Variants in TBC1D8B observed in about 807,000 individuals in gnomAD.
TBC1D8B encodes the protein RP11-321G1.1.
TBC1D8B carries 75 observed loss-of-function variants against 82.9 expected under a neutral mutation model. That is an observed-to-expected ratio of 0.90 (90% CI 0.75 to 1.10). The LOEUF (loss-of-function observed/expected upper bound fraction) is 1.10. Ranked by LOEUF, TBC1D8B falls within the 50% of genes least tolerant of loss-of-function variation. The pLI, the probability that TBC1D8B is intolerant of heterozygous loss-of-function variation, is 0.00. For missense variants in TBC1D8B, 794 were observed against 796.9 expected (o/e 1.00, Z 0.04); for synonymous variants, 276 against 276.8 (o/e 1.00, Z 0.03).
In TBC1D8B at chrX:106,802,794, G is replaced by T; in HGVS notation, c.-60G>T. 1 of 1,198,992 alleles carries T rather than the reference G, an allele frequency of 8.3e-7. No homozygotes were observed. ...AGGAGAAGCAGAGGGGAAGAGACGGGTTGAGAGTGAGGTGAGGAGGGCATC... is the reference window on the plus strand; with the variant it reads ...AGGAGAAGCAGAGGGGAAGAGACGGTTTGAGAGTGAGGTGAGGAGGGCATC... On this transcript the variant is annotated 5_prime_UTR_variant, in exon 1 of 21. Coordinates refer to ENST00000357242, the MANE Select transcript of TBC1D8B (RefSeq NM_017752.3).
At chrX:106,827,039 A>G in intron 6 of TBC1D8B, 131 bp from the exon 7 acceptor site, 1 of 657,130 alleles carries the variant, frequency 1.5e-6, no homozygotes, top group East Asian at 3.3e-5. Context: ...TAGTACCCAA[A>G]GTCTATTTCT....
intron 14 of TBC1D8B, among the ~76,000 whole-genome samples, chrX:106,862,417 C>A (rs1250247353): frequency 9.0e-6 from 1 of 111,689 alleles, no homozygotes; most frequent in African/African-American, 3.3e-5. Context: ...TTATGAAATT[C>A]TTGTAGTAAG....
At chrX:106,863,232 C>T (rs1932791612) in intron 14 of TBC1D8B, among the ~76,000 whole-genome samples, 1 of 111,557 alleles carries the variant, frequency 9.0e-6, no homozygotes, top group Middle Eastern at 4.2e-3. Flanking sequence ...GGCTGCGATC[C>T]AGTAGGTGGC....
intron 10 of TBC1D8B, among the ~76,000 whole-genome samples, chrX:106,842,480 G>A (rs1049657464): frequency 9.0e-6 from 1 of 110,970 alleles, no homozygotes; most frequent in African/African-American, 3.3e-5. Flanking sequence ...AAGTAAATTT[G>A]TATGGCACAA....
rs1931064929 is a variant in TBC1D8B at position 106,802,788 on chromosome X, A to G, written c.-66A>G. 4.2e-6 allele frequency: 5 copies of G among 1,185,172 alleles called. No individual in the cohort carries two copies. Among genetic ancestry groups the G allele is most frequent in the Non-Finnish European group, 5.7e-6 (5 of 879,284 alleles). On this transcript the variant is annotated 5_prime_UTR_variant, in exon 1 of 21. Transcript: ENST00000357242. The stretch of plus-strand genomic sequence containing the variant: ...GGTGGGAGGAGAAGCAGAGGGGAAG[A>G]GACGGGTTGAGAGTGAGGTGAGGAG...
chrX:106,826,339 C>A, intron 6 of TBC1D8B, 102 bp downstream of exon 6: 1 of 616,250 alleles, frequency 1.6e-6, no homozygotes, highest in Non-Finnish European at 2.5e-6. Context: ...CCTCAAGATG[C>A]AATATCCTTT....
At chrX:106,856,510 AT>A (rs769116112) in intron 14 of TBC1D8B, among the ~76,000 whole-genome samples, 109 of 110,590 alleles carry the variant, frequency 9.9e-4, no homozygotes, top group Middle Eastern at 0.01. Flanking sequence ...CCTAGAGTAT[AT>A]TTTTTTATTA....
chrX:106,855,141 A>C (rs760062450), intron 14 of TBC1D8B, among the ~76,000 whole-genome samples: 2 of 111,790 alleles, frequency 1.8e-5, no homozygotes, highest in Non-Finnish European at 3.8e-5. Context: ...TTGTAAACCT[A>C]CTTGCTTAAA....
intron 14 of TBC1D8B, among the ~76,000 whole-genome samples, chrX:106,861,504 G>C (rs1330927135): frequency 9.0e-6 from 1 of 111,652 alleles, no homozygotes; most frequent in Non-Finnish European, 1.9e-5. Context: ...TGTTGTTGTT[G>C]TTGGCCTAAA....
At chrX:106,848,067 T>C in intron 10 of TBC1D8B, 119 bp from the exon 11 acceptor site, 1 of 427,764 alleles carries the variant, frequency 2.3e-6, no homozygotes, top group Non-Finnish European at 3.8e-6. Context: ...TTTCCACTGT[T>C]ATTACACTAT....
intron 4 of TBC1D8B, among the ~76,000 whole-genome samples, chrX:106,823,011 A>T (rs1931739364): frequency 9.0e-6 from 1 of 111,061 alleles, no homozygotes; most frequent in African/African-American, 3.3e-5. Context: ...ACTCTATCTC[A>T]AAAGAAATTA....
At chrX:106,830,686 A>G (rs1377076637) in intron 7 of TBC1D8B, among the ~76,000 whole-genome samples, 2 of 107,523 alleles carry the variant, frequency 1.9e-5, no homozygotes, top group Admixed American at 1.0e-4. Flanking sequence ...TCAGTAAACT[A>G]TCGCAAGGAC....
intron 7 of TBC1D8B, among the ~76,000 whole-genome samples, chrX:106,838,639 C>A (rs1385004774): frequency 8.9e-6 from 1 of 111,817 alleles, no homozygotes; most frequent in Admixed American, 9.5e-5. Context: ...TCAGGTCTTC[C>A]TTTTAAATCT....
chrX:106,811,996 G>A (rs1931391952), intron 1 of TBC1D8B, among the ~76,000 whole-genome samples: 1 of 111,677 alleles, frequency 9.0e-6, no homozygotes, highest in Non-Finnish European at 1.9e-5. Flanking sequence ...GGAAATGAGT[G>A]CTTATATATA....
At chrX:106,852,229 G>A (rs1602430844) in intron 12 of TBC1D8B, among the ~76,000 whole-genome samples, 1 of 100,462 alleles carries the variant, frequency 1.0e-5, no homozygotes, top group African/African-American at 3.7e-5. Flanking sequence ...AGAAGTGTCT[G>A]TTCATGTCCT....
At chrX:106,854,335 ATT>A (rs754149422) in intron 14 of TBC1D8B, 39 bp downstream of exon 14, 1 of 914,492 alleles carries the variant, frequency 1.1e-6, no homozygotes, top group Non-Finnish European at 1.5e-6. Flanking sequence ...AGTTGGAGTA[ATT>A]TTTTTTTTCT....
Position 106,827,252 on chromosome X carries a change from A to G in TBC1D8B, c.1118A>G (p.Glu373Gly). Reference sequence around the variant, plus strand: ...GGAAAAACAGCTTTTCGCTTCCATGAAGTTAAAGACTTTGAACAACTGGTA... The same window carrying G: ...GGAAAAACAGCTTTTCGCTTCCATGGAGTTAAAGACTTTGAACAACTGGTA... The part of the protein sequence containing the change: ...IKGKTAFRFH[E>G]VKDFEQLVAK... The change falls in exon 7 of 21, where the codon GAA (glutamate) becomes GGA (glycine). Residue 373 changes from glutamate to glycine, a missense_variant. Physicochemically the swap from Glu to Gly is moderately conservative, Grantham distance 98. Transcript: ENST00000357242. 2 of 1,211,315 alleles carry G rather than the reference A, an allele frequency of 1.7e-6. No individual in the cohort carries two copies. Among genetic ancestry groups the G allele is most frequent in the Non-Finnish European group, 2.2e-6 (2 of 895,164 alleles).
intron 7 of TBC1D8B, among the ~76,000 whole-genome samples, chrX:106,832,400 A>G (rs1169045178): frequency 2.7e-5 from 3 of 111,350 alleles, no homozygotes; most frequent in African/African-American, 9.8e-5. Flanking sequence ...AAATACATGA[A>G]TCTTTTACTT....
intron 1 of TBC1D8B, among the ~76,000 whole-genome samples, chrX:106,817,781 G>A (rs780779507): frequency 1.8e-5 from 2 of 111,418 alleles, no homozygotes; most frequent in South Asian, 7.5e-4. Context: ...GGATTTCATA[G>A]GGGAAGTGGG....
Sources: allele counts gnomAD v4.1 joint callset (sites outside exome capture counted in the v4.1 genomes callset), GRCh38; gene constraint gnomAD v4.1.1; transcripts MANE v1.5; gene names NCBI Gene and HGNC (gene_info 2026-07-23, HGNC 2026-07-21).